The following NEDD4 variants were observed in gnomAD, a reference collection of about 807,000 sequenced individuals.
The protein encoded by NEDD4 is E3 ubiquitin-protein ligase NEDD4.
NEDD4 carries 99 observed loss-of-function variants against 144.9 expected under a neutral mutation model. That is an observed-to-expected ratio of 0.68 (90% CI 0.58 to 0.81). NEDD4 has a LOEUF of 0.81. NEDD4 is among the 30% of genes least tolerant of loss of function. NEDD4 has a pLI of 0.00. For synonymous variants in NEDD4, 318 were observed against 350.6 expected (o/e 0.91, Z 1.04); for missense variants, 985 against 1,065.9 (o/e 0.92, Z 1.06).
At chr15:55,886,741 G>A (rs2035404268) in intron 5 of NEDD4, among the ~76,000 whole-genome samples, 7 of 139,840 alleles carry the variant, frequency 5.0e-5, no homozygotes, top group Non-Finnish European at 1.5e-5. Flanking sequence ...CTGGACAACA[G>A]AGCAAGACTC....
chr15:55,849,158 C>T (rs2033876351), intron 14 of NEDD4, among the ~76,000 whole-genome samples: 1 of 152,140 alleles, frequency 6.6e-6, no homozygotes, highest in Non-Finnish European at 1.5e-5. Context: ...AAATGTGTCA[C>T]TATATAGGGC....
chr15:55,847,060 A>G (rs1209815842), intron 17 of NEDD4, 26 bp from the exon 18 acceptor site: 3 of 1,518,458 alleles, frequency 2.0e-6, no homozygotes, highest in African/African-American at 1.4e-5. Context: ...TTGGAAAAAT[A>G]AAGAAGTTTA....
rs551737239 is a variant in NEDD4 at position 55,907,385 on chromosome 15, A to G, written c.291+17261T>C. Reference sequence around the variant, plus strand: ...GTAATTAAATCATATGGGCAATCACATATCTCAATGTTTAGGTGTTTACCT... The same window carrying G: ...GTAATTAAATCATATGGGCAATCACGTATCTCAATGTTTAGGTGTTTACCT... On this transcript the variant is annotated intron_variant, in intron 5 of 28. Coordinates refer to ENST00000435532, the MANE Select transcript of NEDD4 (RefSeq NM_006154.4). 4.6e-5 allele frequency among the ~76,000 whole-genome samples: 7 copies of G among 152,328 alleles called. No homozygotes were observed. In the East Asian group the frequency reaches 1.4e-3, roughly 29 times the overall value.
rs575643335 is a variant in NEDD4 at position 55,897,326 on chromosome 15, T to C, written c.292-23318A>G. On this transcript the variant is annotated intron_variant, in intron 5 of 28. Coordinates refer to ENST00000435532, the MANE Select transcript of NEDD4 (RefSeq NM_006154.4). ...GCTGTGTCATCTTCGTCTTACTTAA[T>C]CCTTCCTTTGTAAACATTAGCTATT... Among the ~76,000 whole-genome samples, 8 of 152,310 alleles carry C rather than the reference T, an allele frequency of 5.3e-5. No homozygotes were observed. In the South Asian group the frequency reaches 1.7e-3, roughly 32 times the overall value.
chr15:55,955,020 C>T (rs8026427), intron 2 of NEDD4, among the ~76,000 whole-genome samples: 1 of 147,072 alleles, frequency 6.8e-6, no homozygotes, highest in African/African-American at 2.7e-5. Context: ...CTGCACTGCA[C>T]TGCATTCCAG....
chr15:55,939,917 A>T (rs1044106017), intron 4 of NEDD4, among the ~76,000 whole-genome samples: 3 of 152,184 alleles, frequency 2.0e-5, no homozygotes, highest in Non-Finnish European at 4.4e-5. Flanking sequence ...CTGCCCTCCC[A>T]CGTTCATTAC....
chr15:55,971,624 C>CAAAAAAAAAA (rs59537454), intron 1 of NEDD4, among the ~76,000 whole-genome samples: 1 of 124,608 alleles, frequency 8.0e-6, no homozygotes, highest in Non-Finnish European at 1.7e-5. Context: ...GACTCTGTCT[C>CAAAAAAAAAA]AAAAAAAAAA....
intron 5 of NEDD4, among the ~76,000 whole-genome samples, chr15:55,918,364 T>C (rs2036504253): frequency 6.6e-6 from 1 of 152,178 alleles, no homozygotes; most frequent in Non-Finnish European, 1.5e-5. Flanking sequence ...AAGAAACAAA[T>C]TTATTTTTAA....
chr15:55,847,107 A>AT, intron 17 of NEDD4, 73 bp from the exon 18 acceptor site: 1 of 1,039,298 alleles, frequency 9.6e-7, no homozygotes, highest in Non-Finnish European at 1.4e-6. Context: ...TATTTGTTGT[A>AT]TTTTATGAAC....
chr15:55,974,500 T>G (rs1198512613), intron 1 of NEDD4, among the ~76,000 whole-genome samples: 1 of 152,110 alleles, frequency 6.6e-6, no homozygotes, highest in South Asian at 2.1e-4. Context: ...CTGATAAACA[T>G]TGATGCAAAA....
chr15:55,924,900 T>G (rs1173132349), intron 4 of NEDD4, among the ~76,000 whole-genome samples: 1 of 152,110 alleles, frequency 6.6e-6, no homozygotes, highest in South Asian at 2.1e-4. Context: ...AAACCTCGTC[T>G]CTACTAAAAA....
chr15:55,949,306 A>T (rs367899129), intron 4 of NEDD4, among the ~76,000 whole-genome samples: 2 of 152,118 alleles, frequency 1.3e-5, no homozygotes, highest in African/African-American at 2.4e-5. Flanking sequence ...AAACAACAGG[A>T]GCTGGAGAGG....
chr15:55,840,516 A>C lies in NEDD4; in HGVS notation c.1962T>G (p.Gly654=). 6.2e-7 allele frequency: 1 copy of C among 1,613,948 alleles called. No homozygotes were observed. The highest frequency in any genetic ancestry group is 8.5e-7 in the Non-Finnish European group (1 of 1,179,954). ...MAVYHGKLLD[G]FFIRPFYKMM... ...TCTTGTAAAATGGGCGGATGAAAAA[A>C]CCTTGCAAAAAACCAAATACATTTA... Residue 654 remains glycine (G), a splice_region_variant and synonymous_variant, in exon 21 of 29, where the codon GGT becomes GGG. Coordinates refer to ENST00000435532, the MANE Select transcript of NEDD4 (RefSeq NM_006154.4).
intron 4 of NEDD4, among the ~76,000 whole-genome samples, chr15:55,945,466 A>C (rs2037092462): frequency 6.6e-6 from 1 of 152,204 alleles, no homozygotes; most frequent in Non-Finnish European, 1.5e-5. Context: ...TTTAGAGAAA[A>C]AAGAATAAAA....
intron 2 of NEDD4, among the ~76,000 whole-genome samples, chr15:55,963,984 T>C (rs2037467964): frequency 6.6e-6 from 1 of 152,194 alleles, no homozygotes; most frequent in Admixed American, 6.6e-5. Flanking sequence ...ATTAATTGAA[T>C]TGTAGTTCCC....
intron 4 of NEDD4, among the ~76,000 whole-genome samples, chr15:55,944,021 G>T (rs2037058959): frequency 6.6e-6 from 1 of 152,158 alleles, no homozygotes; most frequent in African/African-American, 2.4e-5. Context: ...GTAATGATTG[G>T]AAGATGGCCA....
chr15:55,940,619 T>G (rs373790620), intron 4 of NEDD4, among the ~76,000 whole-genome samples: 57 of 151,624 alleles, frequency 3.8e-4, no homozygotes, highest in African/African-American at 1.4e-3. Flanking sequence ...TCGAATTCCT[T>G]GGCTCAAAGA....
rs371397348 is a variant in NEDD4, at chr15:55,852,498, G to C, written c.1072C>G (p.Gln358Glu). 4.3e-6 allele frequency: 7 copies of C among 1,612,780 alleles called. No homozygotes were observed. Among genetic ancestry groups the C allele is most frequent in the South Asian group, 1.1e-5 (1 of 91,010 alleles). Residue 358 changes from glutamine (Q) to glutamate (E), a missense_variant, in exon 13 of 29, where the codon CAA (glutamine) becomes GAA (glutamate). Gln to Glu is a conservative substitution (Grantham distance 29). Coordinates refer to ENST00000435532, the MANE Select transcript of NEDD4 (RefSeq NM_006154.4). ...SGLPPGWEEK[Q>E]DERGRSYYVD... ...TAATATGATCTTCCTCTTTCATCTT[G>C]TTTTTCTTCCCAACCTGGTGGTAAT...
At chr15:55,980,810 G>T (rs1162055567) in intron 1 of NEDD4, among the ~76,000 whole-genome samples, 1 of 152,112 alleles carries the variant, frequency 6.6e-6, no homozygotes, top group East Asian at 1.9e-4. Context: ...GTGTGTGTGT[G>T]TGTGTTACAT....
Sources: gnomAD v4.1 joint callset for allele counts (sites outside exome capture counted in the v4.1 genomes callset) on GRCh38, gnomAD v4.1.1 for gene constraint, MANE v1.5 for transcripts, NCBI Gene and HGNC (gene_info 2026-07-23, HGNC 2026-07-21) for gene names.